PTPRD: variants seen among roughly 807,000 people sequenced by gnomAD.
The protein encoded by PTPRD is receptor-type tyrosine-protein phosphatase delta.
A neutral mutation model predicts 214.5 loss-of-function variants in PTPRD; 34 were observed. That is an observed-to-expected ratio of 0.16 (90% CI 0.12 to 0.21). PTPRD has a LOEUF of 0.21. Ranked by LOEUF, PTPRD falls within the 10% of genes least tolerant of loss-of-function variation. The pLI, the probability that PTPRD is intolerant of heterozygous loss-of-function variation, is 1.00. For missense variants in PTPRD, 2,545 were observed against 2,398.7 expected (o/e 1.06, Z -1.27); for synonymous variants, 1,128 against 845.7 (o/e 1.33, Z -5.79).
intron 8 of PTPRD, among the ~76,000 whole-genome samples, chr9:9,561,760 A>C (rs1374339899): frequency 2.0e-5 from 3 of 152,222 alleles, no homozygotes; most frequent in Non-Finnish European, 4.4e-5. Context: ...CTTTTCTCTT[A>C]GATTGAAAGA....
intron 11 of PTPRD, among the ~76,000 whole-genome samples, chr9:8,984,582 T>C (rs1327757707): frequency 3.9e-5 from 6 of 152,140 alleles, no homozygotes; most frequent in Admixed American, 3.9e-4. Context: ...GAAGCAGTGG[T>C]AAAATCCATT....
chr9:8,571,541 C>T (rs1265179245), intron 14 of PTPRD, among the ~76,000 whole-genome samples: 1 of 151,900 alleles, frequency 6.6e-6, no homozygotes, highest in Non-Finnish European at 1.5e-5. Context: ...TTAAGCAGTC[C>T]AAAAATCAAT....
chr9:9,233,427 G>C (rs549055956), intron 9 of PTPRD, among the ~76,000 whole-genome samples: 1 of 152,022 alleles, frequency 6.6e-6, no homozygotes, highest in Non-Finnish European at 1.5e-5. Flanking sequence ...TGGTGACACC[G>C]AGCCAAACCA....
intron 3 of PTPRD, among the ~76,000 whole-genome samples, chr9:10,310,715 C>T (rs1360275336): frequency 6.6e-6 from 1 of 152,052 alleles, no homozygotes; most frequent in Non-Finnish European, 1.5e-5. Context: ...GTTGATAAGC[C>T]TTTGGTATAT....
chr9:9,409,838 T>G (rs1191724789), intron 8 of PTPRD, among the ~76,000 whole-genome samples: 3 of 152,102 alleles, frequency 2.0e-5, no homozygotes, highest in Non-Finnish European at 4.4e-5. Context: ...ATGAAAAATG[T>G]CTAAGGTTTC....
chr9:9,152,947 T>G (rs1356058041), intron 10 of PTPRD, among the ~76,000 whole-genome samples: 2 of 152,170 alleles, frequency 1.3e-5, no homozygotes, highest in Non-Finnish European at 2.9e-5. Flanking sequence ...TGACACACAT[T>G]TACATCCTCC....
At position 9,680,021 on chromosome 9, in the gene PTPRD, TAAA is replaced by T. The variant is rs201223690; in HGVS notation, c.-287+54509_-287+54511del. ...TTTATTCCTGTAGAGAACAATATTT[TAAA>T]AATAATATTTCTCTTTGAAATTTTC... On this transcript the variant is annotated intron_variant, in intron 7 of 45. Transcript: ENST00000381196. Among the ~76,000 whole-genome samples the T allele has an allele frequency of 4.1e-4, 62 of 151,988 alleles. No individual in the cohort carries two copies. The East Asian group carries it at 0.011, about 27-fold the overall frequency.
At chr9:10,553,341 T>A (rs1330842156) in intron 2 of PTPRD, among the ~76,000 whole-genome samples, 1 of 139,800 alleles carries the variant, frequency 7.2e-6, no homozygotes, top group South Asian at 2.5e-4. Flanking sequence ...ATGTTAACAA[T>A]CTTTATTTTT....
chr9:8,726,762 C>G (rs1467202323), intron 12 of PTPRD, among the ~76,000 whole-genome samples: 1 of 140,454 alleles, frequency 7.1e-6, no homozygotes, highest in African/African-American at 2.7e-5. Context: ...CATGGTGCCA[C>G]TGCACTCCAG....
chr9:9,878,512 T>C (rs1274116845), intron 5 of PTPRD, among the ~76,000 whole-genome samples: 1 of 152,146 alleles, frequency 6.6e-6, no homozygotes, highest in Non-Finnish European at 1.5e-5. Context: ...CAAATAAATG[T>C]AATAGCAGAC....
At chr9:9,830,330 T>C (rs912516406) in intron 5 of PTPRD, among the ~76,000 whole-genome samples, 6 of 151,886 alleles carry the variant, frequency 4.0e-5, no homozygotes, top group Non-Finnish European at 7.4e-5. Context: ...TTATTTGTTT[T>C]CATTTCATTT....
At chr9:9,775,555 A>G (rs1271159301) in intron 5 of PTPRD, among the ~76,000 whole-genome samples, 2 of 152,226 alleles carry the variant, frequency 1.3e-5, no homozygotes, top group African/African-American at 4.8e-5. Flanking sequence ...AGATTCATGC[A>G]GCATTCAGAG....
At chr9:8,825,693 T>C (rs1478669457) in intron 11 of PTPRD, among the ~76,000 whole-genome samples, 1 of 152,206 alleles carries the variant, frequency 6.6e-6, no homozygotes, top group African/African-American at 2.4e-5. Flanking sequence ...GGCTACTTTA[T>C]AGACAGAGCA....
chr9:10,271,256 A>T (rs1184968455), intron 3 of PTPRD, among the ~76,000 whole-genome samples: 1 of 152,076 alleles, frequency 6.6e-6, no homozygotes, highest in African/African-American at 2.4e-5. Context: ...TAAATAATTG[A>T]TATGTTTTTG....
chr9:8,815,300 G>C (rs561314233), intron 11 of PTPRD, among the ~76,000 whole-genome samples: 1 of 151,954 alleles, frequency 6.6e-6, no homozygotes, highest in East Asian at 1.9e-4. Flanking sequence ...TTAATCACAG[G>C]GAATGGTAGG....
intron 5 of PTPRD, among the ~76,000 whole-genome samples, chr9:9,767,626 G>C (rs1228396366): frequency 6.6e-6 from 1 of 151,922 alleles, no homozygotes; most frequent in Non-Finnish European, 1.5e-5. Context: ...ATTAAATGTA[G>C]AAGGAAAAAA....
In PTPRD at chr9:9,211,555, AC is replaced by A. The variant is rs1569562661; in HGVS notation, c.-202-28193del. On this transcript the variant is annotated intron_variant, in intron 9 of 45. Transcript: ENST00000381196. ...CACACACACACACACACACACACAC[AC>A]ACAAGAGCTAAGGTTTCTTCTCAAT... is the stretch of plus-strand genomic sequence containing the variant. Among the ~76,000 whole-genome samples, 182 of 133,364 alleles carry A rather than the reference AC, an allele frequency of 1.4e-3. 1 individual carries two copies. The highest frequency in any genetic ancestry group is 4.7e-3 in the African/African-American group (178 of 37,640). 87.5% of individuals were successfully genotyped at this position (133,364 alleles called of 152,430 possible).
At chr9:8,552,142 T>G in intron 14 of PTPRD, among the ~76,000 whole-genome samples, 1 of 152,088 alleles carries the variant, frequency 6.6e-6, no homozygotes. Flanking sequence ...CCTTGCACGG[T>G]TTCTAACAGA....
At chr9:9,150,924 A>G (rs1195288524) in intron 10 of PTPRD, among the ~76,000 whole-genome samples, 1 of 152,218 alleles carries the variant, frequency 6.6e-6, no homozygotes, top group African/African-American at 2.4e-5. Flanking sequence ...GAGATACTTT[A>G]GTGGAAGAAA....
Sources: allele counts gnomAD v4.1 joint callset (sites outside exome capture counted in the v4.1 genomes callset), GRCh38; gene constraint gnomAD v4.1.1; transcripts MANE v1.5; gene names NCBI Gene and HGNC (gene_info 2026-07-23, HGNC 2026-07-21).